The following BIN2 variants were observed in gnomAD, a reference collection of about 807,000 sequenced individuals.
BIN2 encodes the protein bridging integrator 2, also known as breast cancer associated protein BRAP1.
In BIN2, 43 loss-of-function variants were observed where a neutral mutation model predicts 67.9. That is an observed-to-expected ratio of 0.63 (90% CI 0.50 to 0.82). BIN2 has a LOEUF of 0.82. BIN2 is among the 40% of genes least tolerant of loss of function. BIN2 has a pLI of 0.00. For synonymous variants in BIN2, 244 were observed against 246.8 expected, an observed-to-expected ratio of 0.99 and a Z score of 0.11; for missense variants, 581 against 671.6, an observed-to-expected ratio of 0.87 and a Z score of 1.49.
chr12:51,305,993 C>T (rs1945857978), intron 2 of BIN2, among the ~76,000 whole-genome samples: 2 of 151,666 alleles, frequency 1.3e-5, no homozygotes, highest in Non-Finnish European at 1.5e-5. Flanking sequence ...TGTGCCACCA[C>T]GCCTGGCTAA....
intron 2 of BIN2, among the ~76,000 whole-genome samples, chr12:51,310,837 T>C (rs945245735): frequency 6.6e-6 from 1 of 152,122 alleles, no homozygotes; most frequent in Non-Finnish European, 1.5e-5. Flanking sequence ...CAAAGCTCAC[T>C]GTAGCCTCGA....
chr12:51,321,462 C>T (rs959643173), intron 1 of BIN2, among the ~76,000 whole-genome samples: 19 of 151,858 alleles, frequency 1.3e-4, no homozygotes, highest in Non-Finnish European at 2.4e-4. Context: ...TGCAATGGCG[C>T]GATCTCGGCT....
chr12:51,323,968 G>C, intron 1 of BIN2, 54 bp downstream of exon 1: 1 of 1,598,954 alleles, frequency 6.3e-7, no homozygotes, highest in Non-Finnish European at 8.5e-7. Context: ...GCCGGGCTCG[G>C]CCTCGGCCTC....
intron 11 of BIN2, among the ~76,000 whole-genome samples, chr12:51,285,303 C>T (rs778408205): frequency 6.6e-6 from 1 of 152,010 alleles, no homozygotes; most frequent in African/African-American, 2.4e-5. Flanking sequence ...GTCTAGACCA[C>T]GTGCAGGGGT....
At chr12:51,307,294 A>G (rs1308478419) in intron 2 of BIN2, among the ~76,000 whole-genome samples, 1 of 152,074 alleles carries the variant, frequency 6.6e-6, no homozygotes, top group Non-Finnish European at 1.5e-5. Context: ...AAAAAAAAAA[A>G]AAAAAATTAA....
intron 3 of BIN2, 138 bp from the exon 4 acceptor site, chr12:51,302,918 T>C: frequency 9.0e-7 from 1 of 1,114,404 alleles, no homozygotes; most frequent in South Asian, 1.3e-5. Flanking sequence ...GAAAGCTGGA[T>C]GGGGCTGAAA....
At chr12:51,294,789 G>T (rs933644511) in intron 9 of BIN2, among the ~76,000 whole-genome samples, 1 of 152,080 alleles carries the variant, frequency 6.6e-6, no homozygotes, top group Non-Finnish European at 1.5e-5. Context: ...ACCTTTAGTG[G>T]GGTCAGAAAG....
chr12:51,289,843 G>A (rs899716764), intron 10 of BIN2, among the ~76,000 whole-genome samples: 4 of 151,658 alleles, frequency 2.6e-5, no homozygotes, highest in Non-Finnish European at 5.9e-5. Context: ...GTAAGGAGCA[G>A]CCTTTTCAAA....
At chr12:51,318,066 A>C (rs188315386) in intron 1 of BIN2, among the ~76,000 whole-genome samples, 1 of 152,224 alleles carries the variant, frequency 6.6e-6, no homozygotes, top group East Asian at 1.9e-4. Context: ...AGTTAGAGAC[A>C]ACAGCATCAG....
chr12:51,305,163 C>T (rs1945837363), intron 2 of BIN2, among the ~76,000 whole-genome samples: 2 of 150,454 alleles, frequency 1.3e-5, no homozygotes, highest in Admixed American at 1.3e-4. Flanking sequence ...ATGGTGAAAC[C>T]CCATCTCTAC....
At chr12:51,312,589 G>A (rs573327645) in intron 2 of BIN2, among the ~76,000 whole-genome samples, 8 of 152,310 alleles carry the variant, frequency 5.3e-5, no homozygotes, top group Admixed American at 4.6e-4. Context: ...ATCAAGGATA[G>A]GAGAAAGTGA....
Position 51,299,664 on chromosome 12 carries a change from T to C in BIN2, c.459A>G (p.Arg153=). 6.2e-7 allele frequency: 1 copy of C among 1,614,116 alleles called. No homozygotes were observed. The change falls in exon 6 of 13, where the codon CGA becomes CGG. Residue 153 remains arginine (R), a synonymous_variant. Coordinates refer to ENST00000615107, the MANE Select transcript of BIN2 (RefSeq NM_016293.4). ...CATTCTGCACTGCCTCCAGGTGGTG[T>C]CGGGCACTGTCATAGTCCACGAGTT... ...GRKLVDYDSA[R]HHLEAVQNAK...
intron 10 of BIN2, among the ~76,000 whole-genome samples, chr12:51,289,436 G>A (rs1219659118): frequency 4.0e-5 from 6 of 151,814 alleles, no homozygotes; most frequent in Admixed American, 1.3e-4. Flanking sequence ...GCAACATGGC[G>A]AAACCCCATC....
chr12:51,309,866 AC>A (rs1165105200), intron 2 of BIN2, among the ~76,000 whole-genome samples: 1 of 152,162 alleles, frequency 6.6e-6, no homozygotes, highest in Non-Finnish European at 1.5e-5. Context: ...TAGAGAGAGG[AC>A]AAAGGGACAG....
At chr12:51,318,195 T>A (rs1946180882) in intron 1 of BIN2, among the ~76,000 whole-genome samples, 1 of 151,440 alleles carries the variant, frequency 6.6e-6, no homozygotes, top group Admixed American at 6.6e-5. Flanking sequence ...TTGAATGCCA[T>A]GCAAGAGTGC....
At chr12:51,281,621 T>C in intron 12 of BIN2, 93 bp from the exon 13 acceptor site, 2 of 1,310,076 alleles carry the variant, frequency 1.5e-6, no homozygotes, top group Non-Finnish European at 2.2e-6. Flanking sequence ...TACTGAATTA[T>C]ACTTCATGTA....
chr12:51,299,800 A>G (rs1414428261), intron 5 of BIN2, 86 bp from the exon 6 acceptor site: 1 of 1,128,126 alleles, frequency 8.9e-7, no homozygotes, highest in Non-Finnish European at 1.3e-6. Flanking sequence ...AGAGAGCAAG[A>G]TTCTTGCATC....
intron 10 of BIN2, among the ~76,000 whole-genome samples, chr12:51,291,152 A>AAAGC (rs980465086): frequency 2.0e-5 from 3 of 151,968 alleles, no homozygotes; most frequent in African/African-American, 7.3e-5. Context: ...CCATCTCAAA[A>AAAGC]AAGCAAACAA....
chr12:51,307,655 A>T (rs1945906213), intron 2 of BIN2, among the ~76,000 whole-genome samples: 2 of 151,862 alleles, frequency 1.3e-5, no homozygotes, highest in Non-Finnish European at 2.9e-5. Context: ...GGTTGCAGTG[A>T]GCTGGGATTA....
Sources: allele counts gnomAD v4.1 joint callset (sites outside exome capture counted in the v4.1 genomes callset), GRCh38; gene constraint gnomAD v4.1.1; transcripts MANE v1.5; gene names NCBI Gene and HGNC (gene_info 2026-07-23, HGNC 2026-07-21).